The following PLB1 variants were observed in gnomAD, a reference collection of about 807,000 sequenced individuals.
The protein encoded by PLB1 is phospholipase B1.
A neutral mutation model predicts 227.4 loss-of-function variants in PLB1; 242 were observed. That is an observed-to-expected ratio of 1.06 (90% CI 0.96 to 1.18). PLB1 has a LOEUF of 1.18. Among genes scored for constraint, PLB1 ranks in the 50% most tolerant of loss-of-function variants. The pLI, the probability that PLB1 is intolerant of heterozygous loss-of-function variation, is 0.00. For missense variants in PLB1, 1,858 were observed against 1,816.3 expected (o/e 1.02, Z -0.42); for synonymous variants, 757 against 682.2 (o/e 1.11, Z -1.71).
intron 4 of PLB1, among the ~76,000 whole-genome samples, chr2:28,522,839 G>A (rs553377263): frequency 6.6e-6 from 1 of 152,292 alleles, no homozygotes; most frequent in East Asian, 1.9e-4. Context: ...TTCCTTGCAA[G>A]CCTTCTTCCG....
Position 28,541,700 on chromosome 2 carries a change from TCTC to T in PLB1, c.775-5_775-3del. 1.9e-6 allele frequency: 3 copies of T among 1,611,030 alleles called. No homozygotes were observed. The highest frequency in any genetic ancestry group is 2.5e-6 in the Non-Finnish European group (3 of 1,177,528). On this transcript the variant is annotated splice_region_variant and splice_polypyrimidine_tract_variant and intron_variant, in intron 12 of 57. Transcript: ENST00000327757. ...CTGGATGGGCACCTCTCTGCTCCCT[TCTC>T]CAGGAAGCCTGGAACAGCCTCCTGG...
chr2:28,512,417 T>C (rs1668388377), intron 1 of PLB1, among the ~76,000 whole-genome samples: 1 of 152,196 alleles, frequency 6.6e-6, no homozygotes, highest in African/African-American at 2.4e-5. Context: ...ACTTTGCCTG[T>C]GAAATCCAAC....
intron 50 of PLB1, 143 bp downstream of exon 50, chr2:28,625,251 AAGGAGGCGCCTGC>A (rs1379068586): frequency 3.9e-6 from 3 of 759,896 alleles, no homozygotes; most frequent in Non-Finnish European, 6.2e-6. Flanking sequence ...AGTCCTTACC[AAGGAGGCGCCTGC>A]CCTGGCCACA....
At chr2:28,540,336 C>T (rs903960288) in intron 11 of PLB1, 30 bp from the exon 12 acceptor site, 3 of 1,601,144 alleles carry the variant, frequency 1.9e-6, no homozygotes, top group African/African-American at 1.3e-5. Flanking sequence ...TGCCTCCCCT[C>T]TCTCATTCCT....
chr2:28,614,000 T>C, intron 43 of PLB1, 31 bp from the exon 44 acceptor site: 1 of 1,576,130 alleles, frequency 6.3e-7, no homozygotes, highest in East Asian at 2.2e-5. Flanking sequence ...TGCTGTCAGA[T>C]AACTTCTCCA....
At chr2:28,582,992 G>C (rs534351866) in intron 25 of PLB1, among the ~76,000 whole-genome samples, 1 of 152,186 alleles carries the variant, frequency 6.6e-6, no homozygotes, top group East Asian at 1.9e-4. Context: ...CAGAGAAGGA[G>C]GTCAAACCAG....
chr2:28,586,175 C>T (rs575561760), intron 26 of PLB1, among the ~76,000 whole-genome samples: 4 of 152,246 alleles, frequency 2.6e-5, no homozygotes, highest in East Asian at 1.9e-4. Flanking sequence ...CGACTCTGCT[C>T]GCTGGTTGTG....
intron 36 of PLB1, 91 bp downstream of exon 36, chr2:28,600,951 A>G: frequency 1.7e-6 from 2 of 1,200,926 alleles, no homozygotes; most frequent in Non-Finnish European, 2.4e-6. Context: ...AAAAGCAGTG[A>G]GCCCCATGTT....
chr2:28,642,129 T>C (rs1466729029), intron 57 of PLB1, among the ~76,000 whole-genome samples: 1 of 152,224 alleles, frequency 6.6e-6, no homozygotes, highest in African/African-American at 2.4e-5. Context: ...TTACCTACCA[T>C]TCCTGTCTCC....
At chr2:28,611,426 G>C (rs187439532) in intron 43 of PLB1, among the ~76,000 whole-genome samples, 1 of 152,134 alleles carries the variant, frequency 6.6e-6, no homozygotes, top group Non-Finnish European at 1.5e-5. Context: ...CTCCTTTGAC[G>C]TGCAGGGAGA....
intron 23 of PLB1, among the ~76,000 whole-genome samples, chr2:28,580,835 CA>C (rs1679807706): frequency 6.6e-6 from 1 of 152,016 alleles, no homozygotes; most frequent in Non-Finnish European, 1.5e-5. Flanking sequence ...GTTTGTCAGA[CA>C]GAAAGGGGAC....
At chr2:28,612,648 A>C (rs1685623582) in intron 43 of PLB1, among the ~76,000 whole-genome samples, 1 of 137,344 alleles carries the variant, frequency 7.3e-6, no homozygotes, top group African/African-American at 2.8e-5. Flanking sequence ...TTGCTCTGTT[A>C]CCCAGACTGG....
chr2:28,584,635 G>A (rs1680602693), intron 25 of PLB1, among the ~76,000 whole-genome samples: 1 of 152,216 alleles, frequency 6.6e-6, no homozygotes, highest in Non-Finnish European at 1.5e-5. Flanking sequence ...AGGTTGGATA[G>A]ACTCAGGTCA....
In PLB1 at chr2:28,630,586, G is replaced by A. The variant is rs368971800; in HGVS notation, c.3819G>A (p.Gln1273=). 5.0e-6 allele frequency: 8 copies of A among 1,613,228 alleles called. No individual in the cohort carries two copies. The South Asian group carries it at 6.6e-5, about 13-fold the overall frequency. Residue 1273 remains glutamine (Q), a splice_region_variant and synonymous_variant, in exon 54 of 58, where the codon CAG becomes CAA. Transcript: ENST00000327757. ...CAATACAACACTCCCTGTCTCACAG[G>A]AACAACTGCACTTGCCTCAGACACT... ...QGGKCAMLAA[Q]NNCTCLRHSQ...
intron 39 of PLB1, 46 bp from the exon 40 acceptor site, chr2:28,603,920 T>C: frequency 6.4e-7 from 1 of 1,566,420 alleles, no homozygotes; most frequent in South Asian, 1.1e-5. Context: ...CAGCCCCTGA[T>C]GGAAGCCTGA....
Position 28,630,012 on chromosome 2 carries a change from G to A in PLB1, c.3819-574G>A, listed in dbSNP as rs146431143. Reference sequence around the variant, plus strand: ...TGCAGGGAACCCTGCTCTCTCGCAGGGAACGGCTCCTCCAGAGTCTGTCTG... The same window carrying A: ...TGCAGGGAACCCTGCTCTCTCGCAGAGAACGGCTCCTCCAGAGTCTGTCTG... On this transcript the variant is annotated intron_variant, in intron 53 of 57. Transcript: ENST00000327757. Among the ~76,000 whole-genome samples, 411 of 152,308 alleles carry A rather than the reference G, an allele frequency of 2.7e-3. 1 individual carries two copies. Among genetic ancestry groups the A allele is most frequent in the African/African-American group, 9.3e-3 (385 of 41,558 alleles).
At chr2:28,599,727 G>A (rs995754700) in intron 35 of PLB1, among the ~76,000 whole-genome samples, 2 of 151,986 alleles carry the variant, frequency 1.3e-5, no homozygotes, top group African/African-American at 4.8e-5. Flanking sequence ...AGTGATTCTT[G>A]TGCCTCAGCC....
chr2:28,562,558 A>AAAAAAAAAAAG lies in PLB1; in HGVS notation c.1148-482_1148-481insAAAAAAAAAGA, dbSNP rs1261725245. On this transcript the variant is annotated intron_variant, in intron 17 of 57. Transcript: ENST00000327757. ...TCTGTCTCAAAAAAAAAAAAAAAAA[A>AAAAAAAAAAAG]AGTCAGTGGCATAAAAGTATTCCTT... is the stretch of plus-strand genomic sequence containing the variant. Among the ~76,000 whole-genome samples the AAAAAAAAAAAG allele has an allele frequency of 5.2e-4, 77 of 147,744 alleles. 2 individuals are homozygous for AAAAAAAAAAAG. The highest frequency in any genetic ancestry group is 3.7e-3 in the Middle Eastern group (1 of 272).
At chr2:28,526,723 C>T (rs1670309332) in intron 6 of PLB1, among the ~76,000 whole-genome samples, 1 of 152,168 alleles carries the variant, frequency 6.6e-6, no homozygotes, top group Non-Finnish European at 1.5e-5. Context: ...AATGCAAGTG[C>T]TCTGCTGAGC....
Sources: gnomAD v4.1 joint callset for allele counts (sites outside exome capture counted in the v4.1 genomes callset) on GRCh38, gnomAD v4.1.1 for gene constraint, MANE v1.5 for transcripts, NCBI Gene and HGNC (gene_info 2026-07-23, HGNC 2026-07-21) for gene names.